ANXA11: variants seen among roughly 807,000 people sequenced by gnomAD.
ANXA11 encodes annexin A11, also known as 56 kDa autoantigen.
Under a neutral mutation model 64.7 loss-of-function variants are expected in ANXA11, and 57 were observed. That is an observed-to-expected ratio of 0.88 (90% CI 0.71 to 1.10). The LOEUF (loss-of-function observed/expected upper bound fraction) is 1.10. Ranked by LOEUF, ANXA11 falls within the 50% of genes least tolerant of loss-of-function variation. The pLI is 0.00. For synonymous variants in ANXA11, 260 were observed against 265.2 expected (o/e 0.98, Z 0.19); for missense variants, 675 against 670.7 (o/e 1.01, Z -0.07).
chr10:80,195,233 C>G (rs1846936456), intron 1 of ANXA11, among the ~76,000 whole-genome samples: 1 of 152,216 alleles, frequency 6.6e-6, no homozygotes. Flanking sequence ...CACCCCTGCT[C>G]TACCTAGAAG....
chr10:80,157,484 T>C (rs1276237040), intron 15 of ANXA11, 157 bp downstream of exon 15: 3 of 985,100 alleles, frequency 3.0e-6, no homozygotes, highest in Non-Finnish European at 3.6e-6. Flanking sequence ...AAATTTATAA[T>C]CTGTTTAAGG....
At position 80,173,064 on chromosome 10, in the gene ANXA11, A is replaced by G. The variant is rs1318180553; in HGVS notation, c.-8-195T>C. The G allele has an allele frequency of 5.4e-6, 3 of 556,944 alleles. No individual in the cohort carries two copies. The African/African-American group carries it at 5.8e-5, about 11-fold the overall frequency. The allele number at this position is 556,944 out of a possible 1,614,324, so 34.5% of individuals were successfully genotyped here. ...CCAGCTAGAAACAGTACCCACCAGC[A>G]TGCTGCCTGACTTCTGGGCCAGGGC... On this transcript the variant is annotated intron_variant, in intron 2 of 15. Coordinates refer to ENST00000422982, the MANE Select transcript of ANXA11 (RefSeq NM_145868.2).
chr10:80,170,928 C>G lies in ANXA11; in HGVS notation c.56-13G>C. Reference sequence around the variant, plus strand: ...CAGGGACCACCACCTGAAAGCAACACCAAGCCCTTTAGCCCCCTGCCAGTC... The same window carrying G: ...CAGGGACCACCACCTGAAAGCAACAGCAAGCCCTTTAGCCCCCTGCCAGTC... On this transcript the variant is annotated splice_polypyrimidine_tract_variant and intron_variant, in intron 3 of 15. Coordinates refer to ENST00000422982, the MANE Select transcript of ANXA11 (RefSeq NM_145868.2). 2 of 1,587,132 alleles carry G rather than the reference C, an allele frequency of 1.3e-6. No individual in the cohort carries two copies. Among genetic ancestry groups the G allele is most frequent in the East Asian group, 4.6e-5 (2 of 43,474 alleles).
intron 1 of ANXA11, among the ~76,000 whole-genome samples, chr10:80,183,194 T>A (rs1000979471): frequency 6.6e-6 from 1 of 152,102 alleles, no homozygotes; most frequent in Non-Finnish European, 1.5e-5. Flanking sequence ...TAGAGCAAGG[T>A]GCAGACAAGG....
chr10:80,167,119 G>A (rs1845776735), intron 6 of ANXA11, 107 bp downstream of exon 6: 2 of 1,307,994 alleles, frequency 1.5e-6, no homozygotes, highest in Non-Finnish European at 2.2e-6. Flanking sequence ...TATCACCACT[G>A]GGGCCAGGTC....
At chr10:80,201,113 G>A (rs1392738699) in intron 1 of ANXA11, among the ~76,000 whole-genome samples, 2 of 152,022 alleles carry the variant, frequency 1.3e-5, no homozygotes, top group Non-Finnish European at 2.9e-5. Context: ...AGATCCTCAC[G>A]TCCTGCTACT....
chr10:80,179,910 T>C (rs909527822), intron 1 of ANXA11, among the ~76,000 whole-genome samples: 17 of 152,222 alleles, frequency 1.1e-4, no homozygotes, highest in Admixed American at 1.0e-3. Flanking sequence ...GGGTCTCTTC[T>C]TCGGCCTCTC....
rs553504194 is a variant in ANXA11, at chr10:80,182,913, A to G, written c.-57-6758T>C. Among the ~76,000 whole-genome samples the G allele has an allele frequency of 2.0e-5, 3 of 152,346 alleles. No homozygotes were observed. In the South Asian group the frequency reaches 6.2e-4, roughly 32 times the overall value. ...CCAGTTAGGGTCAGAATTGAGCTGC[A>G]TTATAGGACACCCAGTTAGAGTCAG... On this transcript the variant is annotated intron_variant, in intron 1 of 15. Transcript: ENST00000422982.
At chr10:80,188,533 C>T (rs1487285737) in intron 1 of ANXA11, among the ~76,000 whole-genome samples, 3 of 136,492 alleles carry the variant, frequency 2.2e-5, no homozygotes, top group African/African-American at 2.7e-5. Context: ...GGTATTAGCA[C>T]ACAGCAGGTG....
chr10:80,204,687 C>T (rs1379060400), intron 1 of ANXA11: 1 of 152,280 alleles, frequency 6.6e-6, no homozygotes, highest in Non-Finnish European at 1.5e-5. Context: ...GTCTTAAGGG[C>T]CTGGCCTGCA....
rs187342396 is a variant in ANXA11, at chr10:80,179,751, G to A, written c.-57-3596C>T. Reference sequence around the variant, plus strand: ...GTTAAATGAAGGTTGCCAGGTGGAGGTGGTTAGGAAGGAGGATGCTAAATT... The same window carrying A: ...GTTAAATGAAGGTTGCCAGGTGGAGATGGTTAGGAAGGAGGATGCTAAATT... On this transcript the variant is annotated intron_variant, in intron 1 of 15. Transcript: ENST00000422982. 2.2e-3 allele frequency among the ~76,000 whole-genome samples: 337 copies of A among 152,306 alleles called. 15 individuals are homozygous for A. Among genetic ancestry groups the A allele is most frequent in the Middle Eastern group, 3.4e-3 (1 of 294 alleles).
At chr10:80,166,792 G>A (rs999961209) in intron 7 of ANXA11, 98 bp downstream of exon 7, 27 of 928,900 alleles carry the variant, frequency 2.9e-5, no homozygotes, top group Admixed American at 6.3e-5. Context: ...CTGTCCATCC[G>A]GGAGATCCGG....
chr10:80,178,908 G>C (rs1257101656), intron 1 of ANXA11, among the ~76,000 whole-genome samples: 1 of 151,628 alleles, frequency 6.6e-6, no homozygotes, highest in Non-Finnish European at 1.5e-5. Context: ...CCAGTCCCCA[G>C]TAATTCTGAT....
intron 4 of ANXA11, among the ~76,000 whole-genome samples, chr10:80,169,863 G>T (rs34753982): frequency 3.3e-5 from 5 of 151,824 alleles, no homozygotes; most frequent in Admixed American, 3.3e-4. Context: ...TCACCCCCTC[G>T]CCTTTCCACT....
intron 12 of ANXA11, 89 bp from the exon 13 acceptor site, chr10:80,159,284 A>G: frequency 9.8e-7 from 1 of 1,021,080 alleles, no homozygotes. Flanking sequence ...GGACTTCAGA[A>G]TATAACCGTG....
chr10:80,175,710 G>A (rs1450070156), intron 2 of ANXA11, among the ~76,000 whole-genome samples: 2 of 152,134 alleles, frequency 1.3e-5, no homozygotes, highest in African/African-American at 4.8e-5. Flanking sequence ...TACAGAAAAG[G>A]AGCTGAAGAT....
At chr10:80,183,054 A>T (rs1167665215) in intron 1 of ANXA11, among the ~76,000 whole-genome samples, 4 of 152,148 alleles carry the variant, frequency 2.6e-5, no homozygotes, top group African/African-American at 9.7e-5. Flanking sequence ...CCCTCCTGGC[A>T]TGGGCTGGGG....
chr10:80,199,298 C>T (rs1356295450), intron 1 of ANXA11, among the ~76,000 whole-genome samples: 1 of 151,956 alleles, frequency 6.6e-6, no homozygotes, highest in African/African-American at 2.4e-5. Flanking sequence ...GGGATTTCAC[C>T]GTGTTAGCCA....
intron 1 of ANXA11, chr10:80,204,702 T>C (rs1302075136): frequency 1.3e-5 from 2 of 152,376 alleles, no homozygotes; most frequent in African/African-American, 4.8e-5. Flanking sequence ...CCTGCACCCA[T>C]GGGAGATACA....
Sources: allele counts gnomAD v4.1 joint callset (sites outside exome capture counted in the v4.1 genomes callset), GRCh38; gene constraint gnomAD v4.1.1; transcripts MANE v1.5; gene names NCBI Gene and HGNC (gene_info 2026-07-23, HGNC 2026-07-21).